DCP1B: variants seen among roughly 807,000 people sequenced by gnomAD.
DCP1B encodes decapping mRNA 1B.
In DCP1B, 47 loss-of-function variants were observed where a neutral mutation model predicts 60.5. The observed-to-expected ratio is 0.78, with a 90% CI of 0.61 to 0.99. The LOEUF is 0.99. Among genes scored for constraint, DCP1B ranks in the 50% least tolerant of loss-of-function variants. DCP1B has a pLI of 0.00. For synonymous variants in DCP1B, 267 were observed against 280.3 expected, an observed-to-expected ratio of 0.95 and a Z score of 0.47; for missense variants, 725 against 756.8, an observed-to-expected ratio of 0.96 and a Z score of 0.49.
intron 6 of DCP1B, among the ~76,000 whole-genome samples, chr12:1,955,205 G>A (rs890035560): frequency 1.6e-4 from 25 of 152,152 alleles, no homozygotes; most frequent in Admixed American, 1.3e-4. Context: ...AAGTTCACAA[G>A]AGATTAGCAC....
At chr12:2,002,141 C>T (rs2042318258) in intron 1 of DCP1B, among the ~76,000 whole-genome samples, 1 of 152,192 alleles carries the variant, frequency 6.6e-6, no homozygotes. Context: ...AATTTCTCCT[C>T]CTTTGAAAGG....
At chr12:1,993,086 G>A (rs2154474693) in intron 3 of DCP1B, 178 bp downstream of exon 3, 2 of 841,868 alleles carry the variant, frequency 2.4e-6, no homozygotes, top group East Asian at 4.8e-5. Flanking sequence ...ACTCTTCCAA[G>A]GAAGAATCTA....
chr12:1,968,419 C>A (rs113478655), intron 3 of DCP1B, among the ~76,000 whole-genome samples: 1 of 150,328 alleles, frequency 6.7e-6, no homozygotes, highest in African/African-American at 2.5e-5. Flanking sequence ...TGTGCAAAGA[C>A]GCGCACCCAC....
At chr12:1,961,877 A>C (rs1191686485) in intron 5 of DCP1B, among the ~76,000 whole-genome samples, 1 of 152,214 alleles carries the variant, frequency 6.6e-6, no homozygotes, top group Non-Finnish European at 1.5e-5. Flanking sequence ...TGTTTCTGAG[A>C]GAGACAGAGA....
At chr12:1,975,279 T>G (rs969778962) in intron 3 of DCP1B, among the ~76,000 whole-genome samples, 1 of 152,178 alleles carries the variant, frequency 6.6e-6, no homozygotes, top group African/African-American at 2.4e-5. Context: ...ATACATAAGG[T>G]AATTCTAATA....
At chr12:1,993,039 G>A in intron 3 of DCP1B, 1 of 675,574 alleles carries the variant, frequency 1.5e-6, no homozygotes, top group South Asian at 1.8e-5. Flanking sequence ...CAAAAGACAG[G>A]GTTTAGGTTT....
intron 7 of DCP1B, chr12:1,949,944 G>C (rs1010619562): frequency 4.8e-6 from 1 of 210,432 alleles, no homozygotes; most frequent in Non-Finnish European, 9.6e-6. Context: ...AGCCCTGCCA[G>C]AGCCTGTCTG....
chr12:1,995,777 C>G (rs1206906777), intron 2 of DCP1B, among the ~76,000 whole-genome samples: 1 of 152,318 alleles, frequency 6.6e-6, no homozygotes, highest in African/African-American at 2.4e-5. Flanking sequence ...AACCATAAAC[C>G]CTCATCGGTT....
chr12:1,965,920 C>T (rs1782032338), intron 4 of DCP1B, among the ~76,000 whole-genome samples: 2 of 152,156 alleles, frequency 1.3e-5, no homozygotes, highest in South Asian at 4.1e-4. Flanking sequence ...CAAGTCCAGC[C>T]CACCACCTGT....
intron 7 of DCP1B, 152 bp from the exon 8 acceptor site, chr12:1,949,486 C>T: frequency 1.9e-6 from 2 of 1,047,464 alleles, no homozygotes; most frequent in Non-Finnish European, 2.7e-6. Flanking sequence ...TGCTCCACTG[C>T]TCCATGCACC....
At chr12:1,947,076 A>G (rs1464080372) in intron 8 of DCP1B, among the ~76,000 whole-genome samples, 1 of 152,210 alleles carries the variant, frequency 6.6e-6, no homozygotes, top group African/African-American at 2.4e-5. Context: ...CTTCATCAGT[A>G]CTTCATCAAA....
chr12:1,953,451 T>C (rs2030767141), intron 6 of DCP1B, among the ~76,000 whole-genome samples, 163 bp from the exon 7 acceptor site: 1 of 152,172 alleles, frequency 6.6e-6, no homozygotes, highest in African/African-American at 2.4e-5. Flanking sequence ...ATCCCCTTTT[T>C]AATGTCAAAA....
At chr12:1,956,029 G>A (rs1389522520) in intron 5 of DCP1B, among the ~76,000 whole-genome samples, 1 of 152,168 alleles carries the variant, frequency 6.6e-6, no homozygotes, top group Non-Finnish European at 1.5e-5. Context: ...AAACCAAAAA[G>A]CTGACTCAAA....
chr12:1,986,624 AG>A (rs1430860143), intron 3 of DCP1B, among the ~76,000 whole-genome samples: 1 of 150,720 alleles, frequency 6.6e-6, no homozygotes, highest in Non-Finnish European at 1.5e-5. Context: ...GGGAAAGAAA[AG>A]GGGGAAGTTT....
chr12:1,977,433 G>A (rs1273266217), intron 3 of DCP1B, among the ~76,000 whole-genome samples: 2 of 152,178 alleles, frequency 1.3e-5, no homozygotes, highest in African/African-American at 4.8e-5. Context: ...TATCTTCAAA[G>A]CTTTGTCTTA....
At chr12:1,956,581 A>G (rs2030892528) in intron 5 of DCP1B, among the ~76,000 whole-genome samples, 1 of 152,240 alleles carries the variant, frequency 6.6e-6, no homozygotes. Context: ...TCCTCCAGGC[A>G]TTCTATCAAT....
intron 3 of DCP1B, chr12:1,970,845 GA>G (rs1247662344): frequency 3.5e-6 from 1 of 288,410 alleles, no homozygotes; most frequent in Non-Finnish European, 6.8e-6. Context: ...AATCAAGTAA[GA>G]AGGTGTTTTG....
At position 1,953,253 on chromosome 12, in the gene DCP1B, T is replaced by A. The variant is rs760042108; in HGVS notation, c.687A>T (p.Thr229=). 9.4e-6 allele frequency: 15 copies of A among 1,602,508 alleles called. No individual in the cohort carries two copies. Among genetic ancestry groups the A allele is most frequent in the Non-Finnish European group, 1.2e-5 (14 of 1,179,708 alleles). The part of the protein sequence containing the change: ...LDPEPQHLSL[T]ALFGKQDKAT... ...CTTTGTCCTGCTTCCCAAACAGAGCTGTCAAGGATAAGTGTTGGGGTTCAG... is the reference window on the plus strand; with the variant it reads ...CTTTGTCCTGCTTCCCAAACAGAGCAGTCAAGGATAAGTGTTGGGGTTCAG... Residue 229 remains threonine (T), a synonymous_variant, in exon 7 of 9, where the codon ACA becomes ACT. Transcript: ENST00000280665.
At chr12:1,946,344 C>T (rs762210634) in intron 8 of DCP1B, 58 bp from the exon 9 acceptor site, 23 of 1,376,990 alleles carry the variant, frequency 1.7e-5, no homozygotes, top group East Asian at 2.4e-5. Context: ...ACACAAAAGG[C>T]TTCCTCTGTC....
Sources: gnomAD v4.1 joint callset for allele counts (sites outside exome capture counted in the v4.1 genomes callset) on GRCh38, gnomAD v4.1.1 for gene constraint, MANE v1.5 for transcripts, NCBI Gene and HGNC (gene_info 2026-07-23, HGNC 2026-07-21) for gene names.